Variants in SEMA3A observed in about 807,000 individuals in gnomAD.
The protein encoded by SEMA3A is semaphorin-3A.
SEMA3A carries 29 observed loss-of-function variants against 97.9 expected under a neutral mutation model. That is an observed-to-expected ratio of 0.30 (90% CI 0.22 to 0.40). SEMA3A has a LOEUF of 0.40. SEMA3A is among the 10% of genes least tolerant of loss of function. The pLI is 1.00. For missense variants in SEMA3A, 763 were observed against 951.3 expected, an observed-to-expected ratio of 0.80 and a Z score of 2.60; for synonymous variants, 321 against 323.7, an observed-to-expected ratio of 0.99 and a Z score of 0.09.
intron 1 of SEMA3A, among the ~76,000 whole-genome samples, chr7:84,464,154 A>G (rs1262524976): frequency 1.3e-5 from 2 of 152,242 alleles, no homozygotes; most frequent in Non-Finnish European, 2.9e-5. Flanking sequence ...ATTAACACAA[A>G]TAACAGTTTT....
chr7:84,062,070 G>A (rs953394250), intron 4 of SEMA3A, among the ~76,000 whole-genome samples: 1 of 151,838 alleles, frequency 6.6e-6, no homozygotes, highest in Admixed American at 6.5e-5. Flanking sequence ...TAATTTGGAG[G>A]GTTAAATAAT....
chr7:84,225,512 T>A (rs1798969182), intron 3 of SEMA3A, among the ~76,000 whole-genome samples: 1 of 152,230 alleles, frequency 6.6e-6, no homozygotes, highest in Admixed American at 6.6e-5. Flanking sequence ...AATATCTCTT[T>A]CACAAGCAAC....
chr7:84,083,368 A>G (rs4732538), intron 4 of SEMA3A, among the ~76,000 whole-genome samples: 62,625 of 151,718 alleles, frequency 0.41, 14,801 homozygotes, highest in Non-Finnish European at 0.52. Context: ...GTTTTGATGC[A>G]AGTACACAAT....
At chr7:84,405,301 C>T (rs367596054) in intron 1 of SEMA3A, among the ~76,000 whole-genome samples, 9 of 152,098 alleles carry the variant, frequency 5.9e-5, no homozygotes, top group African/African-American at 1.9e-4. Context: ...ACAAAGAAGG[C>T]CATTACATAA....
At chr7:84,161,239 C>CT (rs1314715601) in intron 1 of SEMA3A, among the ~76,000 whole-genome samples, 1 of 151,656 alleles carries the variant, frequency 6.6e-6, no homozygotes, top group Non-Finnish European at 1.5e-5. Flanking sequence ...TGGCGGGCTC[C>CT]TGTAATCCCA....
intron 3 of SEMA3A, among the ~76,000 whole-genome samples, chr7:84,233,522 A>G (rs1282548315): frequency 6.6e-6 from 1 of 152,030 alleles, no homozygotes; most frequent in African/African-American, 2.4e-5. Flanking sequence ...TTTTACACAT[A>G]ATGAGAAATG....
Position 84,095,330 on chromosome 7 carries a change from A to ATAATGCAT in SEMA3A, c.453+15139_453+15140insATGCATTA, listed in dbSNP as rs1392488743. On this transcript the variant is annotated intron_variant, in intron 4 of 16. Coordinates refer to ENST00000265362, the MANE Select transcript of SEMA3A (RefSeq NM_006080.3). ...TGCATTTATATATGGCATTATATAT[A>ATAATGCAT]TTATATATATTTTATATTTTTTATA... is the stretch of plus-strand genomic sequence containing the variant. 6.3e-3 allele frequency among the ~76,000 whole-genome samples: 856 copies of ATAATGCAT among 135,342 alleles called. 10 individuals are homozygous for ATAATGCAT. The highest frequency in any genetic ancestry group is 7.8e-3 in the Non-Finnish European group (501 of 64,036). The allele number at this position is 135,342 out of a possible 152,430, so 88.8% of individuals were successfully genotyped here.
intron 1 of SEMA3A, among the ~76,000 whole-genome samples, chr7:84,160,603 G>A (rs1249516232): frequency 1.3e-5 from 2 of 151,690 alleles, no homozygotes; most frequent in African/African-American, 4.8e-5. Context: ...AGGGGGTCAG[G>A]TGCGGTGGCT....
chr7:84,161,437 T>G (rs1445116352), intron 1 of SEMA3A, among the ~76,000 whole-genome samples: 1 of 152,144 alleles, frequency 6.6e-6, no homozygotes, highest in Non-Finnish European at 1.5e-5. Context: ...TACAAAGCAC[T>G]GTCTATAGTA....
chr7:84,432,732 T>A (rs1805014102), intron 1 of SEMA3A, among the ~76,000 whole-genome samples: 1 of 152,184 alleles, frequency 6.6e-6, no homozygotes, highest in Non-Finnish European at 1.5e-5. Flanking sequence ...TTTCTTTTTG[T>A]GGCTGCATAG....
chr7:83,981,650 A>G (rs542021082), intron 13 of SEMA3A, among the ~76,000 whole-genome samples, 172 bp from the exon 14 acceptor site: 2 of 152,344 alleles, frequency 1.3e-5, no homozygotes, highest in Admixed American at 1.3e-4. Flanking sequence ...ATGGCAGTTT[A>G]AAATGGAGCA....
At chr7:84,097,591 A>G (rs192032485) in intron 4 of SEMA3A, among the ~76,000 whole-genome samples, 1 of 152,226 alleles carries the variant, frequency 6.6e-6, no homozygotes, top group Non-Finnish European at 1.5e-5. Flanking sequence ...AAGATACACA[A>G]TGGATAAAAT....
chr7:84,252,601 C>T (rs1799633590), intron 3 of SEMA3A, among the ~76,000 whole-genome samples: 1 of 152,118 alleles, frequency 6.6e-6, no homozygotes, highest in African/African-American at 2.4e-5. Flanking sequence ...AACCAAATTT[C>T]CCCATATATA....
At chr7:84,120,456 A>G (rs113117733) in intron 3 of SEMA3A, among the ~76,000 whole-genome samples, 5,286 of 152,294 alleles carry the variant, frequency 0.035, 115 homozygotes, top group South Asian at 0.069. Context: ...GCTCTCCATA[A>G]GTGTTGGATA....
intron 3 of SEMA3A, among the ~76,000 whole-genome samples, chr7:84,290,439 G>GTT (rs147957658): frequency 3.2e-4 from 48 of 147,976 alleles, no homozygotes; most frequent in Non-Finnish European, 6.3e-4. Context: ...TTTAAAAGTT[G>GTT]TTTTTTTTTT....
At chr7:84,408,491 C>T in intron 1 of SEMA3A, among the ~76,000 whole-genome samples, 1 of 151,996 alleles carries the variant, frequency 6.6e-6, no homozygotes, top group East Asian at 1.9e-4. Flanking sequence ...GTGGCGATTC[C>T]TCAGGGATCT....
intron 2 of SEMA3A, among the ~76,000 whole-genome samples, chr7:84,320,038 G>C (rs1244804277): frequency 1.3e-5 from 2 of 152,100 alleles, no homozygotes; most frequent in African/African-American, 4.8e-5. Context: ...CTGATAGCAA[G>C]GACTTCAGTT....
intron 1 of SEMA3A, among the ~76,000 whole-genome samples, chr7:84,428,684 C>T (rs1754209910): frequency 6.6e-6 from 1 of 151,794 alleles, no homozygotes. Flanking sequence ...TTGAGTTTGA[C>T]AATGCAATTT....
chr7:84,367,512 A>C (rs765332125), intron 2 of SEMA3A, among the ~76,000 whole-genome samples: 4 of 150,976 alleles, frequency 2.6e-5, no homozygotes, highest in Non-Finnish European at 5.9e-5. Flanking sequence ...TATTCAAATG[A>C]CAGATTTGCC....
Sources: allele counts gnomAD v4.1 joint callset (sites outside exome capture counted in the v4.1 genomes callset), GRCh38; gene constraint gnomAD v4.1.1; transcripts MANE v1.5; gene names NCBI Gene and HGNC (gene_info 2026-07-23, HGNC 2026-07-21).